The following FAM76B variants were observed in gnomAD, a reference collection of about 807,000 sequenced individuals.
FAM76B encodes family with sequence similarity 76 member B, also known as protein FAM76B.
A neutral mutation model predicts 51.8 loss-of-function variants in FAM76B; 16 were observed. That is an observed-to-expected ratio of 0.31 (90% confidence interval 0.21 to 0.47). FAM76B has a LOEUF of 0.47. Among genes scored for constraint, FAM76B ranks in the 20% least tolerant of loss-of-function variants. FAM76B has a pLI of 1.00. For missense variants in FAM76B, 342 were observed against 392.6 expected, an observed-to-expected ratio of 0.87 and a Z score of 1.09; for synonymous variants, 166 against 129.5, an observed-to-expected ratio of 1.28 and a Z score of -1.91.
chr11:95,786,840 A>G (rs1243295478), intron 3 of FAM76B: 3 of 152,344 alleles, frequency 2.0e-5, no homozygotes, highest in Non-Finnish European at 4.4e-5. Flanking sequence ...TTAGAGCGTT[A>G]AAGTTAGCAT....
intron 8 of FAM76B, among the ~76,000 whole-genome samples, chr11:95,776,836 T>G (rs533617337): frequency 2.6e-5 from 4 of 151,272 alleles, no homozygotes; most frequent in Non-Finnish European, 5.9e-5. Context: ...CTTTAAAGGT[T>G]TACACATTCT....
Position 95,771,653 on chromosome 11 carries a change from G to A in FAM76B, c.931-3C>T. 6.2e-7 allele frequency: 1 copy of A among 1,601,634 alleles called. No individual in the cohort carries two copies. The highest frequency in any genetic ancestry group is 1.1e-5 in the South Asian group (1 of 89,598). On this transcript the variant is annotated splice_polypyrimidine_tract_variant and splice_region_variant and intron_variant, in intron 9 of 9. Coordinates refer to ENST00000358780, the MANE Select transcript of FAM76B (RefSeq NM_144664.5). ...TTGAGTAGTTCTCTGTTTTTGGCCT[G>A]TGGGAGACAAAAACATTCAAGATTA...
intron 5 of FAM76B, among the ~76,000 whole-genome samples, chr11:95,782,223 A>G (rs1333059237): frequency 1.3e-5 from 2 of 152,184 alleles, no homozygotes; most frequent in Admixed American, 6.5e-5. Flanking sequence ...CTACTACTAC[A>G]TAACTCCCCC....
chr11:95,782,455 T>C (rs1257981174), intron 5 of FAM76B, among the ~76,000 whole-genome samples: 1 of 152,154 alleles, frequency 6.6e-6, no homozygotes, highest in African/African-American at 2.4e-5. Context: ...TTTTGGTCTA[T>C]GAGGGGGTTC....
Position 95,789,471 on chromosome 11 carries a change from G to A in FAM76B, c.8C>T (p.Ala3Val). 6.2e-7 allele frequency: 1 copy of A among 1,605,472 alleles called. No individual in the cohort carries two copies. Among genetic ancestry groups the A allele is most frequent in the Non-Finnish European group, 8.5e-7 (1 of 1,176,530 alleles). Residue 3 changes from alanine (A) to valine (V), a missense_variant, in exon 1 of 10, where the codon GCC (alanine) becomes GTC (valine). By Grantham distance (64) the Ala-to-Val change is moderately conservative (BLOSUM62 0). Transcript: ENST00000358780. MA[A>V]SALYACTKCT... ...CTTGGTGCAGGCGTACAGGGCCGAG[G>A]CCGCCATCCTGCTCCTCAGTCTCCT...
At chr11:95,772,270 T>C (rs1859801188) in intron 9 of FAM76B, among the ~76,000 whole-genome samples, 1 of 151,130 alleles carries the variant, frequency 6.6e-6, no homozygotes, top group African/African-American at 2.4e-5. Context: ...CTGATTTTAG[T>C]GTGGTTTGAG....
intron 9 of FAM76B, among the ~76,000 whole-genome samples, chr11:95,774,493 C>T (rs1859910438): frequency 6.6e-6 from 1 of 151,298 alleles, no homozygotes. Context: ...GTGGGGAGCA[C>T]TAAGTTAAAA....
chr11:95,778,350 A>G (rs1417199537), intron 8 of FAM76B, among the ~76,000 whole-genome samples: 1 of 151,458 alleles, frequency 6.6e-6, no homozygotes, highest in Non-Finnish European at 1.5e-5. Context: ...TTAGACATCT[A>G]TTGCTAATTA....
chr11:95,785,076 A>G (rs1318320717), intron 4 of FAM76B, among the ~76,000 whole-genome samples: 1 of 152,208 alleles, frequency 6.6e-6, no homozygotes, highest in Non-Finnish European at 1.5e-5. Context: ...CCTTAGTCTA[A>G]AAATATTACA....
intron 4 of FAM76B, among the ~76,000 whole-genome samples, chr11:95,784,169 T>C (rs1860426203): frequency 6.6e-6 from 1 of 152,122 alleles, no homozygotes; most frequent in African/African-American, 2.4e-5. Flanking sequence ...CCATTAACCT[T>C]AGCAAACTGA....
chr11:95,775,509 T>C (rs1181226628), intron 9 of FAM76B, among the ~76,000 whole-genome samples: 1 of 151,512 alleles, frequency 6.6e-6, no homozygotes, highest in Non-Finnish European at 1.5e-5. Context: ...TCCTTAAGAA[T>C]TGGTTTTATA....
At chr11:95,776,651 C>A (rs775580586) in intron 8 of FAM76B, among the ~76,000 whole-genome samples, 1 of 150,940 alleles carries the variant, frequency 6.6e-6, no homozygotes, top group Admixed American at 6.6e-5. Flanking sequence ...TAGACAAATA[C>A]AAGAAAAAAA....
chr11:95,785,516 T>C (rs1860520844), intron 4 of FAM76B, among the ~76,000 whole-genome samples: 2 of 152,228 alleles, frequency 1.3e-5, no homozygotes, highest in South Asian at 4.1e-4. Flanking sequence ...CCAGACATGC[T>C]GGAGGGACAT....
At position 95,771,618 on chromosome 11, in the gene FAM76B, T is replaced by C. The variant is rs1268371751; in HGVS notation, c.963A>G (p.Ala321=). 2 of 1,607,550 alleles carry C rather than the reference T, an allele frequency of 1.2e-6. No homozygotes were observed. Among genetic ancestry groups the C allele is most frequent in the Non-Finnish European group, 1.7e-6 (2 of 1,175,294 alleles). ...CAAATTTTTTACCCTTTGATAATGC[T>C]GCGACCTGTTTGAGTAGTTCTCTGT... ...AKNRELLKQV[A]ALSKGKKFDK... The change falls in exon 10 of 10, where the codon GCA becomes GCG. Residue 321 remains alanine (A), a synonymous_variant. Transcript: ENST00000358780.
intron 5 of FAM76B, among the ~76,000 whole-genome samples, chr11:95,781,406 A>T (rs1860259516): frequency 6.6e-6 from 1 of 152,154 alleles, no homozygotes; most frequent in African/African-American, 2.4e-5. Flanking sequence ...AATAGAAAAT[A>T]GTGTTTGTAT....
chr11:95,782,314 T>C (rs994415053), intron 5 of FAM76B, among the ~76,000 whole-genome samples: 1 of 151,564 alleles, frequency 6.6e-6, no homozygotes, highest in African/African-American at 2.4e-5. Context: ...TATAGGAGAA[T>C]TTTTTTTTCC....
At chr11:95,784,971 T>C (rs758585683) in intron 4 of FAM76B, among the ~76,000 whole-genome samples, 22 of 152,148 alleles carry the variant, frequency 1.4e-4, no homozygotes, top group African/African-American at 5.3e-4. Context: ...GACCAACATG[T>C]TATTACTGGA....
chr11:95,784,461 G>A (rs999258472), intron 4 of FAM76B, among the ~76,000 whole-genome samples: 1 of 152,038 alleles, frequency 6.6e-6, no homozygotes, highest in Non-Finnish European at 1.5e-5. Context: ...CGAAGGCTGT[G>A]ATGTGTCTTA....
In FAM76B at chr11:95,772,774, G is replaced by T. The variant is rs545077119; in HGVS notation, c.931-1124C>A. On this transcript the variant is annotated intron_variant, in intron 9 of 9. Coordinates refer to ENST00000358780, the MANE Select transcript of FAM76B (RefSeq NM_144664.5). ...GTATGCCATCTTAAAGTGGTTTCAT[G>T]AAATAACCTTTTTCAAACTTTATTC... Among the ~76,000 whole-genome samples the T allele has an allele frequency of 2.6e-5, 4 of 151,046 alleles. No homozygotes were observed. In the South Asian group the frequency reaches 8.3e-4, roughly 31 times the overall value.
Sources: allele counts gnomAD v4.1 joint callset (sites outside exome capture counted in the v4.1 genomes callset), GRCh38; gene constraint gnomAD v4.1.1; transcripts MANE v1.5; gene names NCBI Gene and HGNC (gene_info 2026-07-23, HGNC 2026-07-21).